Variants in LRRC53 observed in about 807,000 individuals in gnomAD.
LRRC53 encodes the protein leucine-rich repeat-containing protein 53.
LRRC53 carries 25 observed loss-of-function variants against 13.6 expected under a neutral mutation model. The ratio of observed to expected loss-of-function variants is 1.83; its 90% CI spans 1.34 to 2.56. The LOEUF (loss-of-function observed/expected upper bound fraction) is 2.56, where lower values mean the gene tolerates loss of function less well. Among genes scored for constraint, LRRC53 ranks in the 30% most tolerant of loss-of-function variants. LRRC53 has a pLI of 0.00. For synonymous variants in LRRC53, 204 were observed against 109.8 expected (o/e 1.86, Z -5.37); for missense variants, 527 against 275.8 (o/e 1.91, Z -6.45).
At chr1:74,474,408 T>C (rs1668089107) in intron 4 of LRRC53, among the ~76,000 whole-genome samples, 1 of 152,122 alleles carries the variant, frequency 6.6e-6, no homozygotes, top group African/African-American at 2.4e-5. Flanking sequence ...ACTCACATCC[T>C]ACCTTATAAC....
rs1222246173 is a variant in LRRC53, at chr1:74,475,578, T to G, written c.1137A>C (p.Leu379Phe). ...ATGTTGCTTGATGGCTATTTTCCTG[T>G]AAAAGTGGCATTTCTTTTCTGGACC... ...TVGSRKEMPL[L>F]QENSHQATSA... is the part of the protein sequence containing the mutation. The change falls in exon 4 of 5, where the codon TTA becomes TTC. Residue 379 changes from leucine (L) to phenylalanine (F), a missense_variant. Coordinates refer to ENST00000294635, the MANE Select transcript of LRRC53 (RefSeq NM_001382280.1). The G allele has an allele frequency of 9.8e-6, 7 of 717,424 alleles. No individual in the cohort carries two copies. Among genetic ancestry groups the G allele is most frequent in the Non-Finnish European group, 1.8e-5 (7 of 384,952 alleles). The allele number at this position is 717,424 out of a possible 1,614,324, so 44.4% of individuals were successfully genotyped here. A position where few individuals can be genotyped will look rare whatever the true frequency, so the allele number is the denominator to read the frequency against.
the LRRC53 span, among the ~76,000 whole-genome samples, chr1:74,519,998 T>G: frequency 1.3e-5 from 2 of 152,178 alleles, no homozygotes; most frequent in African/African-American, 4.8e-5. Context: ...AGCTCATTTA[T>G]GTATTTAATT....
chr1:74,489,451 G>C (rs573386646), intron 1 of LRRC53, among the ~76,000 whole-genome samples: 5 of 152,110 alleles, frequency 3.3e-5, no homozygotes, highest in African/African-American at 1.2e-4. Flanking sequence ...GAGTGAATTC[G>C]AGACCTTCCA....
At position 74,480,767 on chromosome 1, in the gene LRRC53, G is replaced by A. The variant is rs866114375; in HGVS notation, c.290C>T (p.Ser97Leu). ...CTTGCTGAAGGTGTGATCAGTGAGCGAAGAGCTGGATATTTGGTTGTGCTC... is the reference window on the plus strand; with the variant it reads ...CTTGCTGAAGGTGTGATCAGTGAGCAAAGAGCTGGATATTTGGTTGTGCTC... ...LLEHNQISSS[S>L]LTDHTFSKLH... is the part of the protein sequence containing the mutation. The change falls in exon 3 of 5, where the codon TCG becomes TTG. Residue 97 changes from serine (S) to leucine (L), a missense_variant. Coordinates refer to ENST00000294635, the MANE Select transcript of LRRC53 (RefSeq NM_001382280.1). 4 of 717,406 alleles carry A rather than the reference G, an allele frequency of 5.6e-6. No homozygotes were observed. The highest frequency in any genetic ancestry group is 4.4e-5 in the South Asian group (3 of 67,594). 44.4% of individuals were successfully genotyped at this position (717,406 alleles called of 1,614,324 possible).
rs553842551 is a variant in LRRC53, at chr1:74,505,122, C to A, written c.-27+7404G>T. ...ACACAAAGGAGGGCCCGGGCCCACTCTTAAGCACATCAAAGCACACAGATC... is the reference window on the plus strand; with the variant it reads ...ACACAAAGGAGGGCCCGGGCCCACTATTAAGCACATCAAAGCACACAGATC... On this transcript the variant is annotated intron_variant, in intron 1 of 4. Transcript: ENST00000294635. Among the ~76,000 whole-genome samples, 105 of 152,334 alleles carry A rather than the reference C, an allele frequency of 6.9e-4. 1 individual carries two copies. The highest frequency in any genetic ancestry group is 2.5e-3 in the African/African-American group (102 of 41,572).
At chr1:74,501,375 C>G (rs1328666201) in intron 1 of LRRC53, among the ~76,000 whole-genome samples, 6 of 152,172 alleles carry the variant, frequency 3.9e-5, no homozygotes, top group Non-Finnish European at 7.3e-5. Flanking sequence ...AGACCTGCTC[C>G]ATACTTTTCT....
At chr1:74,519,264 T>G in the LRRC53 span, among the ~76,000 whole-genome samples, 6 of 87,330 alleles carry the variant, frequency 6.9e-5, no homozygotes, top group Non-Finnish European at 6.3e-5. Context: ...TGCCACATTT[T>G]CTTAATCCAG....
At chr1:74,486,200 A>G (rs1470158896) in intron 1 of LRRC53, among the ~76,000 whole-genome samples, 1 of 134,370 alleles carries the variant, frequency 7.4e-6, no homozygotes, top group Non-Finnish European at 1.5e-5. Flanking sequence ...TAAATGCTAT[A>G]AAGAGAGAGA....
At chr1:74,534,513 T>G in the LRRC53 span, among the ~76,000 whole-genome samples, 1 of 152,158 alleles carries the variant, frequency 6.6e-6, no homozygotes, top group African/African-American at 2.4e-5. Flanking sequence ...CTGTCTGTTT[T>G]TAAGGCTCTA....
At position 74,480,800 on chromosome 1, in the gene LRRC53, A is replaced by G. The variant is rs1167290978; in HGVS notation, c.257T>C (p.Leu86Ser). 1 of 717,612 alleles carries G rather than the reference A, an allele frequency of 1.4e-6. No individual in the cohort carries two copies. Among genetic ancestry groups the G allele is most frequent in the South Asian group, 1.5e-5 (1 of 67,598 alleles). The allele number at this position is 717,612 out of a possible 1,614,324, so 44.5% of individuals were successfully genotyped here. ...GGATATTTGGTTGTGCTCCAGCAACAAGGTCCGCAACATCGTAAGCCCATG... is the reference window on the plus strand; with the variant it reads ...GGATATTTGGTTGTGCTCCAGCAACGAGGTCCGCAACATCGTAAGCCCATG... The part of the protein sequence containing the change: ...ALHGLTMLRT[L>S]LLEHNQISSS... The change falls in exon 3 of 5, where the codon TTG becomes TCG. Residue 86 changes from leucine to serine, a missense_variant. Transcript: ENST00000294635.
chr1:74,489,022 C>A (rs528707560), intron 1 of LRRC53, among the ~76,000 whole-genome samples: 15 of 152,282 alleles, frequency 9.9e-5, no homozygotes, highest in Admixed American at 3.9e-4. Context: ...TCTCCATGAA[C>A]AGCAAATGAA....
At chr1:74,527,903 TG>T in the LRRC53 span, among the ~76,000 whole-genome samples, 7 of 152,002 alleles carry the variant, frequency 4.6e-5, no homozygotes, top group Admixed American at 1.3e-4. Context: ...GAGTGGTGGG[TG>T]GCACTGCCTG....
chr1:74,488,091 G>A (rs1293508953), intron 1 of LRRC53, among the ~76,000 whole-genome samples: 1 of 152,198 alleles, frequency 6.6e-6, no homozygotes, highest in Non-Finnish European at 1.5e-5. Flanking sequence ...AGTACAAAGA[G>A]TAGTGTTAGA....
chr1:74,522,404 T>C, the LRRC53 span, among the ~76,000 whole-genome samples: 1 of 152,156 alleles, frequency 6.6e-6, no homozygotes, highest in South Asian at 2.1e-4. Flanking sequence ...AGACAGGATT[T>C]CCTTTCAGCT....
At chr1:74,505,728 A>G (rs1669862595) in intron 1 of LRRC53, among the ~76,000 whole-genome samples, 2 of 152,328 alleles carry the variant, frequency 1.3e-5, no homozygotes, top group South Asian at 4.1e-4. Context: ...AACCTATGAG[A>G]TGGAGTTTTT....
chr1:74,533,513 A>G, the LRRC53 span, among the ~76,000 whole-genome samples: 56 of 152,170 alleles, frequency 3.7e-4, no homozygotes, highest in African/African-American at 1.4e-3. Context: ...GTGATTCCTC[A>G]GGGATCTAGA....
intron 2 of LRRC53, 35 bp downstream of exon 2, chr1:74,483,227 T>G: frequency 1.4e-6 from 1 of 715,688 alleles, no homozygotes; most frequent in South Asian, 1.5e-5. Flanking sequence ...CCAGGTACAC[T>G]GAGCACTGCT....
At position 74,470,553 on chromosome 1, in the gene LRRC53, T is replaced by C. The variant is rs978004581; in HGVS notation, c.3069A>G (p.Thr1023=). 5 of 400,608 alleles carry C rather than the reference T, an allele frequency of 1.2e-5. No individual in the cohort carries two copies. Among genetic ancestry groups the C allele is most frequent in the African/African-American group, 2.1e-5 (1 of 48,700 alleles). 24.8% of individuals were successfully genotyped at this position (400,608 alleles called of 1,614,324 possible). Residue 1023 remains threonine (T), a synonymous_variant, in exon 5 of 5, where the codon ACA becomes ACG. Transcript: ENST00000294635. ...TTCTATTTTGGTATGGAATTGAATT[T>C]GTCTTCATAAATGATAGGTTGTTCT... ...QSKNNLSFMK[T]NSIPYQNRIE...
chr1:74,524,065 A>C, the LRRC53 span, among the ~76,000 whole-genome samples: 1 of 152,236 alleles, frequency 6.6e-6, no homozygotes, highest in Non-Finnish European at 1.5e-5. Flanking sequence ...TTGTTTTTGC[A>C]AAGCATTGAC....
Sources: allele counts gnomAD v4.1 joint callset (sites outside exome capture counted in the v4.1 genomes callset), GRCh38; gene constraint gnomAD v4.1.1; transcripts MANE v1.5; gene names NCBI Gene and HGNC (gene_info 2026-07-23, HGNC 2026-07-21).